The following CADPS variants were observed in gnomAD, a reference collection of about 807,000 sequenced individuals.
CADPS encodes calcium dependent secretion activator, also known as calcium-dependent secretion activator 1.
Under a neutral mutation model 167.3 loss-of-function variants are expected in CADPS, and 57 were observed. The ratio of observed to expected loss-of-function variants is 0.34; its 90% CI spans 0.28 to 0.42. CADPS has a LOEUF of 0.42. Among genes scored for constraint, CADPS ranks in the 20% least tolerant of loss-of-function variants. CADPS has a pLI of 1.00. For missense variants in CADPS, 1,414 were observed against 1,738.1 expected, an observed-to-expected ratio of 0.81 and a Z score of 3.32; for synonymous variants, 676 against 635.3, an observed-to-expected ratio of 1.06 and a Z score of -0.96.
chr3:62,823,671 C>A (rs2152947767), intron 1 of CADPS, among the ~76,000 whole-genome samples: 1 of 152,276 alleles, frequency 6.6e-6, no homozygotes, highest in African/African-American at 2.4e-5. Flanking sequence ...TCCCAAAGGC[C>A]TAATCCTTTG....
intron 7 of CADPS, among the ~76,000 whole-genome samples, chr3:62,586,672 T>C (rs2084712457): frequency 2.0e-5 from 3 of 152,244 alleles, no homozygotes; most frequent in Admixed American, 1.3e-4. Flanking sequence ...TATGACATGA[T>C]TGAAATACAG....
intron 3 of CADPS, among the ~76,000 whole-genome samples, chr3:62,691,214 C>T (rs1016177147): frequency 4.6e-5 from 7 of 151,894 alleles, no homozygotes; most frequent in African/African-American, 1.5e-4. Context: ...TTTAGGACAG[C>T]GAAACTGCTC....
intron 3 of CADPS, among the ~76,000 whole-genome samples, chr3:62,696,551 T>A (rs1169078740): frequency 1.3e-5 from 2 of 152,018 alleles, no homozygotes; most frequent in African/African-American, 4.8e-5. Flanking sequence ...TACCCTCCCT[T>A]AAACTAAGTT....
chr3:62,399,614 A>T lies in CADPS; in HGVS notation c.3883-29T>A. On this transcript the variant is annotated intron_variant, in intron 29 of 29. Transcript: ENST00000383710. This position sits in a 1 kb window ranked among gnomAD's most constrained non-coding sequence, Gnocchi z 5.6. ...AGGAAGGAAAAGATACAGTGATAAG[A>T]GAGATCTCATCTCCATGATGGGGAG... is the stretch of plus-strand genomic sequence containing the variant. 6.3e-7 allele frequency: 1 copy of T among 1,592,950 alleles called. No individual in the cohort carries two copies. The highest frequency in any genetic ancestry group is 1.3e-5 in the African/African-American group (1 of 74,564).
At chr3:62,401,240 A>G (rs1157420320) in intron 29 of CADPS, among the ~76,000 whole-genome samples, 1 of 152,078 alleles carries the variant, frequency 6.6e-6, no homozygotes, top group Non-Finnish European at 1.5e-5. Context: ...GTACTTTTCA[A>G]TCATTTGTTC....
chr3:62,807,322 C>G (rs575251263), intron 1 of CADPS, among the ~76,000 whole-genome samples: 1 of 150,214 alleles, frequency 6.7e-6, no homozygotes, highest in Non-Finnish European at 1.5e-5. Flanking sequence ...AGGGCACTGG[C>G]GTGATCTCAG....
Position 62,443,498 on chromosome 3 carries a change from T to C in CADPS, c.3669+2267A>G, listed in dbSNP as rs185245111. On this transcript the variant is annotated intron_variant, in intron 27 of 29. Coordinates refer to ENST00000383710, the MANE Select transcript of CADPS (RefSeq NM_003716.4). ...GCTGTGTCCCCACCCAAATCTCATC[T>C]TGAATTATAGCTCCCACAATCCCCA... Among the ~76,000 whole-genome samples, 316 of 152,284 alleles carry C rather than the reference T, an allele frequency of 2.1e-3. 4 individuals are homozygous for C. Among genetic ancestry groups the C allele is most frequent in the Admixed American group, 0.017 (253 of 15,292 alleles).
intron 6 of CADPS, among the ~76,000 whole-genome samples, chr3:62,639,874 C>A (rs988413635): frequency 1.6e-4 from 24 of 152,132 alleles, no homozygotes; most frequent in African/African-American, 5.6e-4. Context: ...ACACATCAAG[C>A]CCCTCCCTAC....
intron 1 of CADPS, chr3:62,779,332 T>C (rs928158633): frequency 7.4e-6 from 3 of 405,330 alleles, no homozygotes; most frequent in Non-Finnish European, 1.5e-5. Context: ...CATCTTTTTT[T>C]CTGGAACTTT....
intron 4 of CADPS, among the ~76,000 whole-genome samples, chr3:62,655,042 T>A (rs938867613): frequency 6.6e-6 from 1 of 152,084 alleles, no homozygotes; most frequent in Admixed American, 6.6e-5. Context: ...TCCACCAAAT[T>A]CTATCTAGCA....
At chr3:62,573,316 C>T (rs1486013960) in intron 8 of CADPS, among the ~76,000 whole-genome samples, 1 of 151,868 alleles carries the variant, frequency 6.6e-6, no homozygotes, top group Non-Finnish European at 1.5e-5. Flanking sequence ...TTTTTCCTTG[C>T]TTTTCTCCCC....
chr3:62,430,728 G>T (rs932023390), intron 28 of CADPS, among the ~76,000 whole-genome samples: 2 of 151,614 alleles, frequency 1.3e-5, no homozygotes, highest in Non-Finnish European at 2.9e-5. Flanking sequence ...ATAGATACCC[G>T]TTACGTAACA....
At chr3:62,795,976 T>G (rs2093377476) in intron 1 of CADPS, 1 of 152,246 alleles carries the variant, frequency 6.6e-6, no homozygotes, top group Non-Finnish European at 1.5e-5. Context: ...TGTTAGATGT[T>G]TAAGTGTGAG....
chr3:62,715,342 T>G (rs1488547556), intron 3 of CADPS, among the ~76,000 whole-genome samples: 1 of 145,596 alleles, frequency 6.9e-6, no homozygotes, highest in Non-Finnish European at 1.5e-5. Flanking sequence ...GGTTTTGCCA[T>G]GTTGGCCAGC....
intron 6 of CADPS, among the ~76,000 whole-genome samples, chr3:62,598,569 T>C (rs1203047135): frequency 6.6e-6 from 1 of 151,852 alleles, no homozygotes; most frequent in Non-Finnish European, 1.5e-5. Flanking sequence ...TAGGCACAAA[T>C]TCCTATCTCA....
chr3:62,781,689 A>G (rs375804814), intron 1 of CADPS, among the ~76,000 whole-genome samples: 87 of 152,260 alleles, frequency 5.7e-4, no homozygotes, highest in African/African-American at 2.0e-3. Context: ...GTGTGGGGGC[A>G]CATGGCAGCT....
chr3:62,706,451 A>G (rs1369364892), intron 3 of CADPS, among the ~76,000 whole-genome samples: 1 of 152,084 alleles, frequency 6.6e-6, no homozygotes, highest in Non-Finnish European at 1.5e-5. Context: ...TAGGAGAGAA[A>G]AGAACTATAT....
intron 3 of CADPS, among the ~76,000 whole-genome samples, chr3:62,685,361 A>C (rs2077811180): frequency 6.6e-6 from 1 of 152,000 alleles, no homozygotes; most frequent in South Asian, 2.1e-4. Context: ...TCAAAGAAAC[A>C]ATGCGTAGAG....
intron 26 of CADPS, among the ~76,000 whole-genome samples, chr3:62,463,677 C>A (rs1396351310): frequency 6.6e-6 from 1 of 152,206 alleles, no homozygotes; most frequent in Non-Finnish European, 1.5e-5. Context: ...TGACCTCAGA[C>A]AAATCACTCC....
Sources: gnomAD v4.1 joint callset for allele counts (sites outside exome capture counted in the v4.1 genomes callset) on GRCh38, gnomAD v4.1.1 for gene constraint, Gnocchi (gnomAD v3.1) non-coding constraint, MANE v1.5 for transcripts, NCBI Gene and HGNC (gene_info 2026-07-23, HGNC 2026-07-21) for gene names.